The following SRP19 variants were observed in gnomAD, a reference collection of about 807,000 sequenced individuals.
SRP19 encodes the protein signal recognition particle 19 kDa protein.
Under a neutral mutation model 22.4 loss-of-function variants are expected in SRP19, and 11 were observed. The observed-to-expected ratio is 0.49, with a 90% confidence interval of 0.31 to 0.81. SRP19 has a LOEUF of 0.81. SRP19 is among the 40% of genes least tolerant of loss of function. SRP19 has a pLI of 0.05. For missense variants in SRP19, 168 were observed against 175.9 expected (o/e 0.96, Z 0.25); for synonymous variants, 61 against 57.6 (o/e 1.06, Z -0.27).
Position 112,891,584 on chromosome 5 carries a change from C to A in SRP19, c.302-19C>A, listed in dbSNP as rs748814203. ...TGACAGTGGCAGCTATGAACAAAATCTTCCATATATTCCCATAGGTTAAGA... is the reference window on the plus strand; with the variant it reads ...TGACAGTGGCAGCTATGAACAAAATATTCCATATATTCCCATAGGTTAAGA... On this transcript the variant is annotated intron_variant, in intron 4 of 4. Coordinates refer to the SRP19 transcript ENST00000391338. 56 of 1,554,040 alleles carry A rather than the reference C, an allele frequency of 3.6e-5. No individual in the cohort carries two copies. The Admixed American group carries it at 1.1e-3, about 30-fold the overall frequency.
chr5:112,891,929 A>G, exon 5 of SRP19: 1 of 1,274,290 alleles, frequency 7.8e-7, no homozygotes, highest in Non-Finnish European at 1.1e-6. Flanking sequence ...AAGAAGGAAA[A>G]GGAAGAGGCG....
intron 2 of SRP19, among the ~76,000 whole-genome samples, chr5:112,863,107 AG>A (rs1370325074): frequency 6.6e-6 from 1 of 152,246 alleles, no homozygotes; most frequent in African/African-American, 2.4e-5. Flanking sequence ...CACTCAAAAA[AG>A]AAAACACTAC....
downstream of SRP19, among the ~76,000 whole-genome samples, chr5:112,872,642 C>A (rs1767783979): frequency 6.6e-6 from 1 of 152,038 alleles, no homozygotes; most frequent in East Asian, 1.9e-4. Context: ...ATTTTAAAAT[C>A]TTTTCTGTAG....
chr5:112,862,360 C>G, intron 1 of SRP19, 148 bp from the exon 2 acceptor site: 1 of 690,152 alleles, frequency 1.4e-6, no homozygotes, highest in East Asian at 2.9e-5. Context: ...GATTTTTCAA[C>G]TGCCACGCAG....
At chr5:112,876,296 T>C (rs1767894029) in intron 4 of SRP19, 2 of 152,234 alleles carry the variant, frequency 1.3e-5, no homozygotes, top group Non-Finnish European at 2.9e-5. Flanking sequence ...GCAGTGTTCA[T>C]GGCTCATTTA....
At chr5:112,862,804 CTTTG>C (rs141073809) in intron 2 of SRP19, among the ~76,000 whole-genome samples, 9,854 of 152,144 alleles carry the variant, frequency 0.065, 388 homozygotes, top group South Asian at 0.14. Context: ...CTTAATGAGC[CTTTG>C]TTTGTAAAGG....
At chr5:112,886,764 C>G (rs536564877) in intron 4 of SRP19, among the ~76,000 whole-genome samples, 2 of 152,128 alleles carry the variant, frequency 1.3e-5, no homozygotes, top group Non-Finnish European at 2.9e-5. Flanking sequence ...TCGCTGCCTA[C>G]CAAGGAAAGT....
chr5:112,867,697 A>T lies in SRP19; in HGVS notation c.*160A>T. 7.4e-7 allele frequency: 1 copy of T among 1,351,838 alleles called. No individual in the cohort carries two copies. The allele number at this position is 1,351,838 out of a possible 1,614,324, so 83.7% of individuals were successfully genotyped here. ...TATCATCGGAGTTGACAGTGAAACA[A>T]ATTTACATCAGAAGTTTGCATCTCG... is the stretch of plus-strand genomic sequence containing the variant. On this transcript the variant is annotated 3_prime_UTR_variant, in exon 5 of 5. Transcript: ENST00000505459.
In SRP19 at chr5:112,869,247, C is replaced by A. The variant is rs1037166309; in HGVS notation, c.*1710C>A. ...TTCTAACACCTTTATGATTATTGTT[C>A]CTGCTTGTAAAAGGGCTGATATTTA... is the stretch of plus-strand genomic sequence containing the variant. On this transcript the variant is annotated 3_prime_UTR_variant, in exon 5 of 5. Transcript: ENST00000505459. 6.6e-6 allele frequency: 1 copy of A among 152,070 alleles called. No individual in the cohort carries two copies. The highest frequency in any genetic ancestry group is 1.5e-5 in the Non-Finnish European group (1 of 68,026). 9.4% of individuals were successfully genotyped at this position (152,070 alleles called of 1,614,324 possible).
chr5:112,861,978 C>T (rs1767415900), intron 1 of SRP19, among the ~76,000 whole-genome samples: 1 of 152,078 alleles, frequency 6.6e-6, no homozygotes, highest in African/African-American at 2.4e-5. Context: ...CAAATAATAG[C>T]ATAGGTGTAC....
chr5:112,866,825 TGTG>T (rs1477724627), intron 4 of SRP19, among the ~76,000 whole-genome samples: 1 of 152,144 alleles, frequency 6.6e-6, no homozygotes, highest in Non-Finnish European at 1.5e-5. Context: ...GGGTAGAAGT[TGTG>T]GTGAGAACAT....
chr5:112,881,697 C>G (rs1768080261), intron 4 of SRP19, among the ~76,000 whole-genome samples: 3 of 152,152 alleles, frequency 2.0e-5, no homozygotes, highest in Non-Finnish European at 4.4e-5. Context: ...ATCCCTGACT[C>G]TTGGGCTACT....
chr5:112,877,909 C>A (rs766452390), intron 4 of SRP19: 2 of 151,742 alleles, frequency 1.3e-5, no homozygotes, highest in South Asian at 4.2e-4. Context: ...TGACAATAGA[C>A]AAATATGTAA....
chr5:112,867,445 C>T lies in SRP19; in HGVS notation c.343C>T (p.Leu115=), dbSNP rs749048031. Residue 115 remains leucine, a synonymous_variant, in exon 5 of 5, where the codon CTA becomes TTA. Coordinates refer to ENST00000505459, the MANE Select transcript of SRP19 (RefSeq NM_003135.3). ...MLYAAEMIPK[L]KTRTQKTGGA... Reference sequence around the variant, plus strand: ...GTATGCAGCAGAAATGATACCTAAACTAAAAACAAGGACACAAAAAACAGG... The same window carrying T: ...GTATGCAGCAGAAATGATACCTAAATTAAAAACAAGGACACAAAAAACAGG... 9 of 1,613,518 alleles carry T rather than the reference C, an allele frequency of 5.6e-6. No individual in the cohort carries two copies. In the African/African-American group the frequency reaches 9.4e-5, roughly 17 times the overall value.
At chr5:112,865,632 C>T (rs1421404782) in intron 4 of SRP19, among the ~76,000 whole-genome samples, 16 of 150,030 alleles carry the variant, frequency 1.1e-4, no homozygotes, top group Non-Finnish European at 1.9e-4. Context: ...GATGGAGTCT[C>T]GCTCTGGCTG....
chr5:112,868,131 C>T lies in SRP19; in HGVS notation c.*594C>T. 1.0e-6 allele frequency: 1 copy of T among 985,304 alleles called. No individual in the cohort carries two copies. Among genetic ancestry groups the T allele is most frequent in the Non-Finnish European group, 1.2e-6 (1 of 829,934 alleles). The allele number at this position is 985,304 out of a possible 1,614,324, so 61.0% of individuals were successfully genotyped here. On this transcript the variant is annotated 3_prime_UTR_variant, in exon 5 of 5. Coordinates refer to ENST00000505459, the MANE Select transcript of SRP19 (RefSeq NM_003135.3). ...CAGTTGTTTTTTGACATGGAAAGTC[C>T]TGGATTTTAAGCTTTAAATTTGCTT... is the stretch of plus-strand genomic sequence containing the variant.
chr5:112,870,313 T>G (rs1268769173), downstream of SRP19, among the ~76,000 whole-genome samples: 1 of 152,042 alleles, frequency 6.6e-6, no homozygotes, highest in Non-Finnish European at 1.5e-5. Context: ...ATAGTGAGAC[T>G]GTCTCTACAA....
chr5:112,873,266 GTTTTCT>G (rs1315946250), downstream of SRP19, among the ~76,000 whole-genome samples: 1 of 32,908 alleles, frequency 3.0e-5, no homozygotes, highest in Non-Finnish European at 5.3e-5. Context: ...TGATCCTCAG[GTTTTCT>G]TTTTTTTTTT....
downstream of SRP19, among the ~76,000 whole-genome samples, chr5:112,874,776 AT>A (rs34164046): frequency 0.53 from 70,885 of 134,518 alleles, 18,904 homozygotes; most frequent in Middle Eastern, 0.67. Flanking sequence ...ATGTGCGCCA[AT>A]TTTTTTTTTT....
Sources: gnomAD v4.1 joint callset for allele counts (sites outside exome capture counted in the v4.1 genomes callset) on GRCh38, gnomAD v4.1.1 for gene constraint, MANE v1.5 for transcripts, NCBI Gene and HGNC (gene_info 2026-07-23, HGNC 2026-07-21) for gene names.